STXBP5L: variants seen among roughly 807,000 people sequenced by gnomAD.
STXBP5L encodes the protein syntaxin-binding protein 5-like.
STXBP5L carries 65 observed loss-of-function variants against 144.5 expected under a neutral mutation model. The observed-to-expected ratio is 0.45, with a 90% confidence interval of 0.37 to 0.55. The LOEUF (loss-of-function observed/expected upper bound fraction) is 0.55. STXBP5L is among the 20% of genes least tolerant of loss of function. The pLI, the probability that STXBP5L is intolerant of heterozygous loss-of-function variation, is 0.00. For missense variants in STXBP5L, 1,298 were observed against 1,405.5 expected (o/e 0.92, Z 1.22); for synonymous variants, 505 against 469.6 (o/e 1.08, Z -0.97).
intron 5 of STXBP5L, among the ~76,000 whole-genome samples, chr3:121,067,689 A>T (rs959257739): frequency 1.3e-5 from 2 of 152,146 alleles, no homozygotes; most frequent in African/African-American, 4.8e-5. Flanking sequence ...GTTCTATCTG[A>T]TATTAAGAGA....
intron 5 of STXBP5L, among the ~76,000 whole-genome samples, chr3:121,095,248 C>A (rs2043053580): frequency 6.6e-6 from 1 of 152,140 alleles, no homozygotes; most frequent in Non-Finnish European, 1.5e-5. Context: ...TTTGGTGAAT[C>A]TGACACTTAT....
intron 9 of STXBP5L, among the ~76,000 whole-genome samples, chr3:121,161,491 T>A (rs1056120030): frequency 6.6e-5 from 10 of 151,992 alleles, no homozygotes; most frequent in Admixed American, 6.6e-4. Flanking sequence ...GCAATTTGAC[T>A]ACTTTATGTC....
chr3:121,411,785 A>G (rs1181406266), intron 23 of STXBP5L, among the ~76,000 whole-genome samples: 1 of 152,064 alleles, frequency 6.6e-6, no homozygotes, highest in Admixed American at 6.6e-5. Context: ...AGGAATGGGG[A>G]GCAAAACCAC....
At position 121,336,539 on chromosome 3, in the gene STXBP5L, A is replaced by C. The variant is rs542852122; in HGVS notation, c.2176+17999A>C. 3.5e-4 allele frequency among the ~76,000 whole-genome samples: 53 copies of C among 152,182 alleles called. No homozygotes were observed. In the South Asian group the frequency reaches 9.7e-3, roughly 28 times the overall value. ...CCAACCAAACAAACAAACAAACAAAAAAATCCACAAGGAGATATTATCTCA... is the reference window on the plus strand; with the variant it reads ...CCAACCAAACAAACAAACAAACAAACAAATCCACAAGGAGATATTATCTCA... On this transcript the variant is annotated intron_variant, in intron 20 of 26. Coordinates refer to ENST00000471454, the MANE Select transcript of STXBP5L (RefSeq NM_001308330.2).
At chr3:121,062,886 T>A (rs2041352552) in intron 5 of STXBP5L, among the ~76,000 whole-genome samples, 1 of 152,220 alleles carries the variant, frequency 6.6e-6, no homozygotes, top group Non-Finnish European at 1.5e-5. Flanking sequence ...CTAAATTAGT[T>A]ATTCTAGTTA....
intron 2 of STXBP5L, among the ~76,000 whole-genome samples, chr3:120,923,623 T>A (rs1709465237): frequency 6.6e-6 from 1 of 152,186 alleles, no homozygotes; most frequent in East Asian, 1.9e-4. Context: ...TGTTGTTTAA[T>A]TTTCCTGTGT....
At chr3:120,931,803 A>T (rs1439883586) in intron 2 of STXBP5L, among the ~76,000 whole-genome samples, 1 of 152,208 alleles carries the variant, frequency 6.6e-6, no homozygotes, top group African/African-American at 2.4e-5. Context: ...GCCCAGAATA[A>T]TCAGGAAATG....
chr3:120,936,899 G>A (rs1710292961), intron 2 of STXBP5L, among the ~76,000 whole-genome samples: 1 of 152,140 alleles, frequency 6.6e-6, no homozygotes, highest in African/African-American at 2.4e-5. Context: ...TTGATGTGGT[G>A]TTGAGGTGTG....
chr3:120,915,242 G>A (rs1050431355), intron 2 of STXBP5L, among the ~76,000 whole-genome samples: 6 of 151,974 alleles, frequency 3.9e-5, no homozygotes, highest in East Asian at 1.9e-4. Flanking sequence ...CTAAGTAAAC[G>A]AAATTTCTGT....
intron 9 of STXBP5L, among the ~76,000 whole-genome samples, chr3:121,174,562 G>C (rs1398440804): frequency 6.6e-6 from 1 of 152,136 alleles, no homozygotes; most frequent in Non-Finnish European, 1.5e-5. Context: ...AACAAGACCT[G>C]AATCTTCGCT....
rs183351006 is a variant in STXBP5L, at chr3:121,113,021, C to T, written c.471-1904C>T. Among the ~76,000 whole-genome samples the T allele has an allele frequency of 1.6e-3, 239 of 152,192 alleles. 3 individuals are homozygous for T. The highest frequency in any genetic ancestry group is 5.2e-3 in the African/African-American group (216 of 41,524). ...TTATCTAGTTGTTGTAACCACTACT[C>T]ATCAGTTGGACATTGAATATAAGGT... On this transcript the variant is annotated intron_variant, in intron 5 of 26. Transcript: ENST00000471454.
intron 7 of STXBP5L, among the ~76,000 whole-genome samples, chr3:121,129,526 A>T (rs956133250): frequency 6.6e-6 from 1 of 152,052 alleles, no homozygotes; most frequent in African/African-American, 2.4e-5. Flanking sequence ...ATGTGTATAG[A>T]TCAACACAAC....
chr3:121,417,805 T>C (rs1035792320), intron 25 of STXBP5L, among the ~76,000 whole-genome samples: 4 of 152,208 alleles, frequency 2.6e-5, no homozygotes, highest in Admixed American at 1.3e-4. Flanking sequence ...GTAAATGTTA[T>C]GTTTGTTTTA....
chr3:121,068,432 AAAC>A (rs1220979546), intron 5 of STXBP5L, among the ~76,000 whole-genome samples: 1 of 151,896 alleles, frequency 6.6e-6, no homozygotes, highest in African/African-American at 2.4e-5. Flanking sequence ...CTTTTTACTT[AAAC>A]TTTTTATTAT....
chr3:121,120,646 C>T (rs954150942), intron 6 of STXBP5L, among the ~76,000 whole-genome samples: 1 of 151,156 alleles, frequency 6.6e-6, no homozygotes, highest in Admixed American at 6.6e-5. Flanking sequence ...GTTTATTCCC[C>T]TTGGTAACTC....
chr3:121,345,284 T>C (rs143175788), intron 20 of STXBP5L, among the ~76,000 whole-genome samples: 2,062 of 152,202 alleles, frequency 0.014, 19 homozygotes, highest in Middle Eastern at 0.034. Context: ...CTTGTGATAG[T>C]TTGCTGAGAA....
chr3:121,005,849 T>A (rs1318363018), intron 3 of STXBP5L, among the ~76,000 whole-genome samples: 1 of 152,238 alleles, frequency 6.6e-6, no homozygotes, highest in East Asian at 1.9e-4. Flanking sequence ...AGTTTCCATG[T>A]AGTTGAGTGG....
chr3:120,999,098 G>A (rs1389014335), intron 3 of STXBP5L, among the ~76,000 whole-genome samples: 1 of 152,140 alleles, frequency 6.6e-6, no homozygotes, highest in Non-Finnish European at 1.5e-5. Flanking sequence ...TCTCACCCAG[G>A]CTGGAGTGCA....
At chr3:121,206,690 T>G (rs2048348540) in intron 10 of STXBP5L, among the ~76,000 whole-genome samples, 1 of 152,126 alleles carries the variant, frequency 6.6e-6, no homozygotes, top group African/African-American at 2.4e-5. Flanking sequence ...GGCATGTGCC[T>G]GTAATCCCAG....
Sources: allele counts gnomAD v4.1 joint callset (sites outside exome capture counted in the v4.1 genomes callset), GRCh38; gene constraint gnomAD v4.1.1; transcripts MANE v1.5; gene names NCBI Gene and HGNC (gene_info 2026-07-23, HGNC 2026-07-21).